Variants in MED24 observed in about 807,000 individuals in gnomAD.
MED24 encodes mediator of RNA polymerase II transcription subunit 24.
In MED24, 74 loss-of-function variants were observed where a neutral mutation model predicts 118.8. That is an observed-to-expected ratio of 0.62 (90% CI 0.52 to 0.76). MED24 has a LOEUF of 0.76. MED24 is among the 30% of genes least tolerant of loss of function. The pLI, the probability that MED24 is intolerant of heterozygous loss-of-function variation, is 0.00. For synonymous variants in MED24, 521 were observed against 523.9 expected, an observed-to-expected ratio of 0.99 and a Z score of 0.08; for missense variants, 1,041 against 1,278.9, an observed-to-expected ratio of 0.81 and a Z score of 2.84.
At chr17:40,025,881 G>A (rs1040837160) in intron 19 of MED24, among the ~76,000 whole-genome samples, 1 of 152,170 alleles carries the variant, frequency 6.6e-6, no homozygotes, top group East Asian at 1.9e-4. Flanking sequence ...GTTCTTTTGG[G>A]AGCTAGTTGT....
Position 40,032,724 on chromosome 17 carries a change from T to G in MED24, c.861A>C (p.Lys287Asn). 1 of 1,613,878 alleles carries G rather than the reference T, an allele frequency of 6.2e-7. No homozygotes were observed. Among genetic ancestry groups the G allele is most frequent in the African/African-American group, 1.3e-5 (1 of 75,030 alleles). The part of the protein sequence containing the change: ...PTPLFVLEIW[K>N]ACFVGLIESP... The stretch of plus-strand genomic sequence containing the variant: ...ACTCAATGAGCCCCACGAAGCAAGC[T>G]TTCCAGATCTCCAGGACAAAAAGTG... The change falls in exon 9 of 26, where the codon AAA becomes AAC. Residue 287 changes from lysine (K) to asparagine (N), a missense_variant. Coordinates refer to ENST00000394128, the MANE Select transcript of MED24 (RefSeq NM_014815.4).
Position 40,033,735 on chromosome 17 carries a change from C to T in MED24, c.560-279G>A. 1.7e-6 allele frequency: 1 copy of T among 578,782 alleles called. No individual in the cohort carries two copies. The highest frequency in any genetic ancestry group is 4.0e-5 in the East Asian group (1 of 25,310). The allele number at this position is 578,782 out of a possible 1,614,324, so 35.9% of individuals were successfully genotyped here. ...CAGAAGGTATGGCATCACACAGGCT[C>T]AGGAGAGAGAGGCAGAGGGAGGCCA... On this transcript the variant is annotated intron_variant, in intron 6 of 25. Transcript: ENST00000394128. The surrounding 1 kb of genome is among the most constrained non-coding windows in gnomAD (Gnocchi z 5.2).
At chr17:40,031,675 T>C in intron 10 of MED24, 55 bp from the exon 11 acceptor site, 1 of 1,525,194 alleles carries the variant, frequency 6.6e-7, no homozygotes, top group Non-Finnish European at 9.0e-7. Context: ...GCCCTGATCA[T>C]CTCAGGCAAC....
chr17:40,031,285 A>T (rs1393522436), intron 11 of MED24, 40 bp from the exon 12 acceptor site: 1 of 1,530,300 alleles, frequency 6.5e-7, no homozygotes, highest in African/African-American at 1.4e-5. Flanking sequence ...GGGCACCTGG[A>T]TAGGATGGTG....
intron 23 of MED24, 30 bp from the exon 24 acceptor site, chr17:40,020,383 A>T: frequency 6.4e-7 from 1 of 1,571,876 alleles, no homozygotes; most frequent in South Asian, 1.2e-5. Context: ...GAGCGCTGGG[A>T]AACAGCCTGC....
intron 3 of MED24, among the ~76,000 whole-genome samples, chr17:40,043,356 T>C (rs927877899): frequency 6.6e-6 from 1 of 152,100 alleles, no homozygotes; most frequent in African/African-American, 2.4e-5. Context: ...TGGACCCCTA[T>C]TCACTAGGGA....
chr17:40,026,005 G>A (rs572295940), intron 19 of MED24, 151 bp downstream of exon 19: 3 of 768,838 alleles, frequency 3.9e-6, no homozygotes, highest in East Asian at 5.3e-5. Flanking sequence ...TGTTTGCTGA[G>A]TCAGATGAGT....
intron 19 of MED24, chr17:40,023,655 G>A (rs1027552427): frequency 1.6e-5 from 7 of 426,876 alleles, no homozygotes; most frequent in African/African-American, 1.4e-4. Flanking sequence ...GGCCATTCCA[G>A]CCAGATATTC....
At chr17:40,053,090 G>GC (rs1986015808) in intron 3 of MED24, among the ~76,000 whole-genome samples, 2 of 152,062 alleles carry the variant, frequency 1.3e-5, no homozygotes, top group South Asian at 4.1e-4. Flanking sequence ...GCACCACCAC[G>GC]CAGGGGTAAC....
Position 40,022,759 on chromosome 17 carries a change from C to A in MED24, c.2318G>T (p.Cys773Phe). Reference protein sequence around the residue: ...RAVELLYSIFCLDMQQVTLVL... With the variant: ...RAVELLYSIFFLDMQQVTLVL... ...CAGGGTCACTTGCTGCATGTCCAGG[C>A]AGAAGATGGAGTAGAGCAGCTCCAC... Residue 773 changes from cysteine (C) to phenylalanine (F), a missense_variant, in exon 21 of 26, where the codon TGC becomes TTC. Around this residue, in one of 3 missense-constraint regions of MED24, gnomAD observed 587 missense variants for 694.4 expected, o/e 0.85. Transcript: ENST00000394128. 1 of 1,613,864 alleles carries A rather than the reference C, an allele frequency of 6.2e-7. No individual in the cohort carries two copies. The highest frequency in any genetic ancestry group is 8.5e-7 in the Non-Finnish European group (1 of 1,179,982).
intron 3 of MED24, among the ~76,000 whole-genome samples, chr17:40,037,426 C>A (rs961331698): frequency 6.6e-6 from 1 of 151,988 alleles, no homozygotes; most frequent in Non-Finnish European, 1.5e-5. Context: ...TGCCTGCAGT[C>A]CCCACTAAAT....
chr17:40,050,576 T>C lies in MED24; in HGVS notation c.213+2722A>G, dbSNP rs1413515488. ...GGTTGCAGTGAGCTGAGATCAGCCA[T>C]TGCACTCCAGCCTGGGCGACAGAGC... On this transcript the variant is annotated intron_variant, in intron 3 of 25. Coordinates refer to ENST00000394128, the MANE Select transcript of MED24 (RefSeq NM_014815.4). 3.3e-5 allele frequency among the ~76,000 whole-genome samples: 5 copies of C among 151,552 alleles called. No homozygotes were observed. In the East Asian group the frequency reaches 7.8e-4, roughly 24 times the overall value.
rs201006975 is a variant in MED24, at chr17:40,026,625, G to A, written c.1809+22C>T. 2,109 of 1,584,384 alleles carry A rather than the reference G, an allele frequency of 1.3e-3. 4 individuals carry two copies. The highest frequency in any genetic ancestry group is 1.7e-3 in the Non-Finnish European group (1,938 of 1,163,248). The stretch of plus-strand genomic sequence containing the variant: ...GGCTCTGTGTCTCAGGGGAGCAAAC[G>A]CTGCTGGGAAGGCGGGGCTACCTGG... On this transcript the variant is annotated intron_variant, in intron 18 of 25. Transcript: ENST00000394128.
intron 3 of MED24, among the ~76,000 whole-genome samples, chr17:40,040,341 T>C (rs1568170512): frequency 6.6e-6 from 1 of 152,084 alleles, no homozygotes; most frequent in African/African-American, 2.4e-5. Flanking sequence ...CCTCCCAAAG[T>C]GCTGGGATTA....
chr17:40,020,468 A>T (rs1166162614), intron 23 of MED24, 115 bp from the exon 24 acceptor site: 4 of 1,542,848 alleles, frequency 2.6e-6, no homozygotes, highest in Non-Finnish European at 3.5e-6. Flanking sequence ...GTACATGGAG[A>T]GCCCAGAGAA....
intron 19 of MED24, among the ~76,000 whole-genome samples, chr17:40,024,950 G>A (rs1239051848): frequency 6.6e-6 from 1 of 152,048 alleles, no homozygotes. Flanking sequence ...TGGTCAGGCT[G>A]GCCTTAAACT....
intron 3 of MED24, among the ~76,000 whole-genome samples, chr17:40,044,707 C>T (rs1446692709): frequency 3.3e-5 from 5 of 151,490 alleles, no homozygotes; most frequent in Non-Finnish European, 5.9e-5. Flanking sequence ...AGATGAAACG[C>T]ATCTCTACTA....
rs2144903495 is a variant in MED24, at chr17:40,031,277, G to C, written c.1068-32C>G. 3.9e-6 allele frequency: 6 copies of C among 1,542,612 alleles called. No homozygotes were observed. The South Asian group carries it at 7.1e-5, about 18-fold the overall frequency. ...GGGAGAAAGATGCTGAGGGAACTGG[G>C]CACCTGGATAGGATGGTGAGGGGTG... On this transcript the variant is annotated intron_variant, in intron 11 of 25. Transcript: ENST00000394128.
In MED24 at chr17:40,026,668, G is replaced by A. The variant is rs1006690309; in HGVS notation, c.1788C>T (p.Val596=). The change falls in exon 18 of 26, where the codon GTC becomes GTT. Residue 596 remains valine, a synonymous_variant. Transcript: ENST00000394128. ...LEILNAWENG[V]LAFESIQKIT... ...CTACCTGGATGGACTCGAAGGCCAG[G>A]ACCCCATTCTCCCAGGCATTGAGGA... 3.1e-6 allele frequency: 5 copies of A among 1,611,036 alleles called. No individual in the cohort carries two copies. The highest frequency in any genetic ancestry group is 1.3e-5 in the African/African-American group (1 of 75,002).
Sources: allele counts gnomAD v4.1 joint callset (sites outside exome capture counted in the v4.1 genomes callset), GRCh38; gene constraint gnomAD v4.1.1; regional missense constraint gnomAD v4.1.1; non-coding constraint Gnocchi (gnomAD v3.1); transcripts MANE v1.5; gene names NCBI Gene and HGNC (gene_info 2026-07-23, HGNC 2026-07-21).